The following CDC42BPA variants were observed in gnomAD, a reference collection of about 807,000 sequenced individuals.
CDC42BPA encodes the protein serine/threonine-protein kinase MRCK alpha.
In CDC42BPA, 80 loss-of-function variants were observed where a neutral mutation model predicts 223.5. That is an observed-to-expected ratio of 0.36 (90% confidence interval 0.30 to 0.43). The LOEUF (loss-of-function observed/expected upper bound fraction) is 0.43, where lower values mean the gene tolerates loss of function less well. CDC42BPA is among the 20% of genes least tolerant of loss of function. The pLI, the probability that CDC42BPA is intolerant of heterozygous loss-of-function variation, is 1.00. For synonymous variants in CDC42BPA, 694 were observed against 718.6 expected, an observed-to-expected ratio of 0.97 and a Z score of 0.55; for missense variants, 1,743 against 2,099.9, an observed-to-expected ratio of 0.83 and a Z score of 3.32.
At position 227,179,635 on chromosome 1, in the gene CDC42BPA, C is replaced by CAAAAAAAAAAAA. The variant is rs59744442; in HGVS notation, c.599+14139_599+14150dup. ...TGGGCAACAGAGCGAGCCTCCATCT[C>CAAAAAAAAAAAA]AAAAAAAAAAAAAAAAAAAAAAAAA... On this transcript the variant is annotated intron_variant, in intron 5 of 36. Transcript: ENST00000366766. Among the ~76,000 whole-genome samples the CAAAAAAAAAAAA allele has an allele frequency of 6.1e-4, 21 of 34,242 alleles. 4 individuals carry two copies. The highest frequency in any genetic ancestry group is 5.9e-3 in the South Asian group (3 of 510). 22.5% of individuals were successfully genotyped at this position (34,242 alleles called of 152,430 possible).
At chr1:227,190,816 C>T (rs1450007160) in intron 5 of CDC42BPA, among the ~76,000 whole-genome samples, 2 of 151,876 alleles carry the variant, frequency 1.3e-5, no homozygotes, top group Non-Finnish European at 1.5e-5. Context: ...GGAGCATCCA[C>T]AGAAAGGTAA....
intron 32 of CDC42BPA, among the ~76,000 whole-genome samples, chr1:227,020,501 T>C (rs983061724): frequency 6.6e-6 from 1 of 152,252 alleles, no homozygotes; most frequent in Non-Finnish European, 1.5e-5. Flanking sequence ...CATTTTTATG[T>C]TATGGAGATG....
chr1:227,212,356 T>G (rs1257060519), intron 3 of CDC42BPA, among the ~76,000 whole-genome samples: 1 of 152,172 alleles, frequency 6.6e-6, no homozygotes, highest in Non-Finnish European at 1.5e-5. Context: ...TTTGTCATTA[T>G]TTTCTTACTA....
chr1:227,132,242 T>A (rs1657276323), intron 10 of CDC42BPA, among the ~76,000 whole-genome samples: 1 of 152,104 alleles, frequency 6.6e-6, no homozygotes, highest in Admixed American at 6.5e-5. Flanking sequence ...CCTCCCTGCC[T>A]GATTCTCCTG....
Position 227,114,497 on chromosome 1 carries a change from T to C in CDC42BPA, c.1648-1584A>G, listed in dbSNP as rs370434297. Among the ~76,000 whole-genome samples the C allele has an allele frequency of 2.1e-5, 3 of 146,310 alleles. No homozygotes were observed. The East Asian group carries it at 5.9e-4, about 29-fold the overall frequency. ...TTTTAGAGATCTAATGCAAGAGAAA[T>C]GAAGAGCTAATAAAATGGTTAACAT... On this transcript the variant is annotated intron_variant, in intron 12 of 36. Coordinates refer to ENST00000366766, the MANE Select transcript of CDC42BPA (RefSeq NM_001394014.1).
chr1:227,008,876 T>C (rs902099310), intron 34 of CDC42BPA, among the ~76,000 whole-genome samples: 2 of 150,986 alleles, frequency 1.3e-5, no homozygotes, highest in African/African-American at 4.9e-5. Flanking sequence ...GCTTTTTTTT[T>C]CTCTAAGAAA....
Position 227,293,600 on chromosome 1 carries a change from C to A in CDC42BPA, c.178+23405G>T, listed in dbSNP as rs541648618. Among the ~76,000 whole-genome samples, 6 of 149,484 alleles carry A rather than the reference C, an allele frequency of 4.0e-5. No homozygotes were observed. The South Asian group carries it at 8.5e-4, about 21-fold the overall frequency. On this transcript the variant is annotated intron_variant, in intron 1 of 36. Transcript: ENST00000366766. ...AGCACTTTGGGGAGGCCTAGGTGGACGGATCACCTGAGGTCGGGAGTTTGA... is the reference window on the plus strand; with the variant it reads ...AGCACTTTGGGGAGGCCTAGGTGGAAGGATCACCTGAGGTCGGGAGTTTGA...
intron 2 of CDC42BPA, among the ~76,000 whole-genome samples, chr1:227,247,424 G>A (rs954123130): frequency 1.3e-5 from 2 of 152,106 alleles, no homozygotes; most frequent in African/African-American, 4.8e-5. Context: ...GAACTTAGGA[G>A]GCGGAGGTTG....
intron 2 of CDC42BPA, chr1:227,234,914 T>A (rs1220745005): frequency 3.0e-5 from 4 of 131,298 alleles, no homozygotes; most frequent in Non-Finnish European, 7.0e-5. Flanking sequence ...ATTTTGTGAT[T>A]TTTTTTTTTT....
At chr1:227,205,281 AAAATAT>A (rs1357489902) in intron 3 of CDC42BPA, among the ~76,000 whole-genome samples, 3,484 of 64,542 alleles carry the variant, frequency 0.054, 50 homozygotes, top group Middle Eastern at 0.081. Context: ...AAAAAAAAAA[AAAATAT>A]ATATATATAT....
chr1:227,155,132 C>G (rs1230096853), intron 6 of CDC42BPA, among the ~76,000 whole-genome samples: 1 of 151,878 alleles, frequency 6.6e-6, no homozygotes, highest in Non-Finnish European at 1.5e-5. Context: ...AAATAATGAC[C>G]CACACAAAGT....
chr1:227,219,890 AAC>A (rs1675532918), intron 2 of CDC42BPA, among the ~76,000 whole-genome samples: 1 of 152,214 alleles, frequency 6.6e-6, no homozygotes, highest in South Asian at 2.1e-4. Flanking sequence ...GTCTTGAAAT[AAC>A]AGAGTTAATT....
At position 227,057,028 on chromosome 1, in the gene CDC42BPA, A is replaced by G. The variant is rs550302429; in HGVS notation, c.2905-5043T>C. The stretch of plus-strand genomic sequence containing the variant: ...AGTTATTTTCAATATACTGATTGGA[A>G]TATCTAGTCTGGAGAATTTACACAT... On this transcript the variant is annotated intron_variant, in intron 21 of 36. Coordinates refer to ENST00000366766, the MANE Select transcript of CDC42BPA (RefSeq NM_001394014.1). Among the ~76,000 whole-genome samples, 43 of 152,300 alleles carry G rather than the reference A, an allele frequency of 2.8e-4. 1 individual carries two copies. Among genetic ancestry groups the G allele is most frequent in the African/African-American group, 9.1e-4 (38 of 41,568 alleles).
At chr1:227,035,761 T>G (rs1203076608) in intron 24 of CDC42BPA, among the ~76,000 whole-genome samples, 154 bp from the exon 25 acceptor site, 3 of 152,252 alleles carry the variant, frequency 2.0e-5, no homozygotes, top group Non-Finnish European at 4.4e-5. Flanking sequence ...GCTGATTCAT[T>G]TGCTTACCAA....
At chr1:227,257,753 C>CA (rs150973701) in intron 1 of CDC42BPA, among the ~76,000 whole-genome samples, 14,679 of 140,106 alleles carry the variant, frequency 0.1, 1,271 homozygotes, top group East Asian at 0.36. Context: ...GACTCTGTCT[C>CA]AAAAAAAAAA....
chr1:227,226,711 TAG>T (rs1246359414), intron 2 of CDC42BPA, among the ~76,000 whole-genome samples: 3 of 152,244 alleles, frequency 2.0e-5, no homozygotes, highest in Non-Finnish European at 2.9e-5. Flanking sequence ...ATAGTCTAAA[TAG>T]AGTCTGTTTT....
intron 32 of CDC42BPA, among the ~76,000 whole-genome samples, chr1:227,021,944 C>T (rs971608014): frequency 6.6e-6 from 1 of 151,956 alleles, no homozygotes; most frequent in African/African-American, 2.4e-5. Flanking sequence ...CGCTTGAACC[C>T]AGGAGGCAGA....
At chr1:227,284,989 GT>G (rs1271956866) in intron 1 of CDC42BPA, among the ~76,000 whole-genome samples, 2 of 148,940 alleles carry the variant, frequency 1.3e-5, no homozygotes, top group Non-Finnish European at 3.0e-5. Flanking sequence ...AATCCCCTTT[GT>G]TCTGGATCAA....
chr1:227,250,383 G>A (rs1681758762), intron 2 of CDC42BPA, among the ~76,000 whole-genome samples: 1 of 152,126 alleles, frequency 6.6e-6, no homozygotes, highest in Non-Finnish European at 1.5e-5. Context: ...AGCTACTCGG[G>A]AAGCTGAGGC....
Sources: allele counts gnomAD v4.1 joint callset (sites outside exome capture counted in the v4.1 genomes callset), GRCh38; gene constraint gnomAD v4.1.1; transcripts MANE v1.5; gene names NCBI Gene and HGNC (gene_info 2026-07-23, HGNC 2026-07-21).